The following PTAR1 variants were observed in gnomAD, a reference collection of about 807,000 sequenced individuals.
PTAR1 encodes the protein protein prenyltransferase alpha subunit repeat-containing protein 1.
In PTAR1, 17 loss-of-function variants were observed where a neutral mutation model predicts 45.5. The observed-to-expected ratio is 0.37, with a 90% CI of 0.26 to 0.56. PTAR1 has a LOEUF of 0.56. Among genes scored for constraint, PTAR1 ranks in the 20% least tolerant of loss-of-function variants. The pLI is 0.77. For synonymous variants in PTAR1, 169 were observed against 171.3 expected, an observed-to-expected ratio of 0.99 and a Z score of 0.11; for missense variants, 391 against 476.3, an observed-to-expected ratio of 0.82 and a Z score of 1.67.
At position 69,711,696 on chromosome 9, in the gene PTAR1, TA is replaced by T. The variant is rs2134056660; in HGVS notation, c.*6645del. 6.6e-6 allele frequency: 1 copy of T among 152,330 alleles called. No individual in the cohort carries two copies. Among genetic ancestry groups the T allele is most frequent in the African/African-American group, 2.4e-5 (1 of 41,590 alleles). 9.4% of individuals were successfully genotyped at this position (152,330 alleles called of 1,614,324 possible). On this transcript the variant is annotated 3_prime_UTR_variant, in exon 8 of 8. Transcript: ENST00000340434. ...TATTAAGACATTTAATTACATTTAT[TA>T]ATATGCCTTGCACAAGAAAATACTA...
At position 69,710,325 on chromosome 9, in the gene PTAR1, A is replaced by G. The variant is rs1038231413; in HGVS notation, c.*8017T>C. 3.9e-5 allele frequency: 6 copies of G among 152,108 alleles called. No individual in the cohort carries two copies. Among genetic ancestry groups the G allele is most frequent in the African/African-American group, 1.2e-4 (5 of 41,432 alleles). The allele number at this position is 152,108 out of a possible 1,614,324, so 9.4% of individuals were successfully genotyped here. A position where few individuals can be genotyped will look rare whatever the true frequency, so the allele number is the denominator to read the frequency against. On this transcript the variant is annotated 3_prime_UTR_variant, in exon 8 of 8. Coordinates refer to ENST00000340434, the MANE Select transcript of PTAR1 (RefSeq NM_001099666.2). Reference sequence around the variant, plus strand: ...TTTATATTGATTACATGTTGAAATGATATTTTTAATATACTGGGTTACATA... The same window carrying G: ...TTTATATTGATTACATGTTGAAATGGTATTTTTAATATACTGGGTTACATA...
At chr9:69,759,502 A>C (rs1256527713) in intron 1 of PTAR1, among the ~76,000 whole-genome samples, 2 of 152,118 alleles carry the variant, frequency 1.3e-5, no homozygotes, top group Admixed American at 6.5e-5. Flanking sequence ...ACGGACCCAC[A>C]TCGTTGTGTG....
intron 5 of PTAR1, among the ~76,000 whole-genome samples, chr9:69,730,410 A>G (rs1353035243): frequency 1.3e-5 from 2 of 151,694 alleles, no homozygotes; most frequent in African/African-American, 4.8e-5. Flanking sequence ...ATCATGGCAG[A>G]AAAATTTCCA....
chr9:69,748,864 C>T (rs978829429), intron 2 of PTAR1, among the ~76,000 whole-genome samples: 10 of 152,004 alleles, frequency 6.6e-5, no homozygotes, highest in African/African-American at 2.4e-4. Flanking sequence ...CTTATATTTA[C>T]TGATAATACA....
intron 5 of PTAR1, among the ~76,000 whole-genome samples, chr9:69,729,872 T>G (rs557056542): frequency 6.6e-6 from 1 of 152,362 alleles, no homozygotes; most frequent in East Asian, 1.9e-4. Flanking sequence ...TGATAAGTGC[T>G]GCCATGTTGC....
chr9:69,752,852 T>C (rs1388108799), intron 1 of PTAR1, among the ~76,000 whole-genome samples: 2 of 152,242 alleles, frequency 1.3e-5, no homozygotes, highest in East Asian at 3.9e-4. Flanking sequence ...GAAATCTATC[T>C]AATTCATTAT....
At chr9:69,728,911 T>C (rs1157304878) in intron 5 of PTAR1, among the ~76,000 whole-genome samples, 3 of 152,212 alleles carry the variant, frequency 2.0e-5, no homozygotes, top group Non-Finnish European at 4.4e-5. Context: ...AAAAAATCTA[T>C]AGCATTGTTG....
intron 3 of PTAR1, among the ~76,000 whole-genome samples, chr9:69,736,178 T>C (rs1457708696): frequency 1.3e-5 from 2 of 152,186 alleles, no homozygotes; most frequent in Admixed American, 6.5e-5. Context: ...TTATGCGAAA[T>C]GCAGATCCTC....
At chr9:69,744,385 CTTTTT>C (rs68024709) in intron 2 of PTAR1, among the ~76,000 whole-genome samples, 1 of 146,042 alleles carries the variant, frequency 6.8e-6, no homozygotes. Flanking sequence ...TTCATCTCTG[CTTTTT>C]TTTTTTTTTC....
intron 5 of PTAR1, among the ~76,000 whole-genome samples, chr9:69,725,802 C>T (rs1825250814): frequency 6.6e-6 from 1 of 151,928 alleles, no homozygotes; most frequent in Non-Finnish European, 1.5e-5. Flanking sequence ...ACAGCAATTA[C>T]TTTTAAGTGA....
chr9:69,741,732 G>T, intron 3 of PTAR1, 60 bp downstream of exon 3: 2 of 1,091,062 alleles, frequency 1.8e-6, no homozygotes, highest in Non-Finnish European at 1.4e-6. Context: ...AACTTATGGG[G>T]CTTACATGTC....
chr9:69,742,780 G>C (rs1488059978), intron 2 of PTAR1, among the ~76,000 whole-genome samples: 1 of 151,928 alleles, frequency 6.6e-6, no homozygotes, highest in Non-Finnish European at 1.5e-5. Context: ...CAATTCATTT[G>C]TTTTAATTTA....
intron 4 of PTAR1, among the ~76,000 whole-genome samples, chr9:69,733,629 T>C (rs753453613): frequency 2.0e-5 from 3 of 152,186 alleles, no homozygotes; most frequent in Non-Finnish European, 4.4e-5. Context: ...TTTTAGCAAC[T>C]TTAGCTCAGC....
chr9:69,727,036 C>CACAT (rs1825320885), intron 5 of PTAR1, among the ~76,000 whole-genome samples: 2 of 150,520 alleles, frequency 1.3e-5, no homozygotes, highest in African/African-American at 4.9e-5. Flanking sequence ...TACACACACA[C>CACAT]ACACACACAC....
At chr9:69,754,530 A>ATTTTTTTTTTTT (rs1588489795) in intron 1 of PTAR1, among the ~76,000 whole-genome samples, 8 of 117,212 alleles carry the variant, frequency 6.8e-5, no homozygotes, top group African/African-American at 1.5e-4. Context: ...TTGGGTATAT[A>ATTTTTTTTTTTT]TCTTTTTTTT....
At chr9:69,720,721 T>A (rs765761032) in intron 6 of PTAR1, among the ~76,000 whole-genome samples, 27 of 152,230 alleles carry the variant, frequency 1.8e-4, no homozygotes, top group Non-Finnish European at 3.1e-4. Flanking sequence ...CTGGTGACTT[T>A]AAGTTGAAGC....
chr9:69,733,322 T>G (rs1489967231), intron 4 of PTAR1, among the ~76,000 whole-genome samples: 10 of 152,132 alleles, frequency 6.6e-5, no homozygotes. Flanking sequence ...GAAGCTGACC[T>G]GCAATGTTAA....
intron 2 of PTAR1, among the ~76,000 whole-genome samples, chr9:69,746,017 C>T (rs551657376): frequency 6.6e-6 from 1 of 152,350 alleles, no homozygotes; most frequent in African/African-American, 2.4e-5. Flanking sequence ...ACAGCCTTGA[C>T]CACCATCGGT....
intron 1 of PTAR1, among the ~76,000 whole-genome samples, chr9:69,756,526 G>C (rs992867942): frequency 2.0e-5 from 3 of 152,114 alleles, no homozygotes; most frequent in African/African-American, 7.2e-5. Context: ...TGTATGAATG[G>C]AATGAAAGAA....
Sources: allele counts gnomAD v4.1 joint callset (sites outside exome capture counted in the v4.1 genomes callset), GRCh38; gene constraint gnomAD v4.1.1; transcripts MANE v1.5; gene names NCBI Gene and HGNC (gene_info 2026-07-23, HGNC 2026-07-21).